The following ACACA variants were observed in gnomAD, a reference collection of about 807,000 sequenced individuals.
ACACA encodes acetyl-CoA carboxylase alpha.
A neutral mutation model predicts 296.1 loss-of-function variants in ACACA; 103 were observed. That is an observed-to-expected ratio of 0.35 (90% CI 0.30 to 0.41). ACACA has a LOEUF of 0.41. Ranked by LOEUF, ACACA falls within the 10% of genes least tolerant of loss-of-function variation. The probability of loss-of-function intolerance (pLI) is 1.00; values close to 1 mark genes in which losing one functional copy is unlikely to be tolerated. For synonymous variants in ACACA, 953 were observed against 1,038.6 expected (o/e 0.92, Z 1.58); for missense variants, 1,554 against 2,989.7 (o/e 0.52, Z 11.20).
intron 3 of ACACA, among the ~76,000 whole-genome samples, chr17:37,290,134 G>A (rs1045230994): frequency 6.6e-5 from 10 of 151,848 alleles, no homozygotes; most frequent in African/African-American, 2.2e-4. Context: ...TGCAACCTCC[G>A]CCTCCCAGGT....
intron 1 of ACACA, among the ~76,000 whole-genome samples, chr17:37,354,877 T>C (rs980193237): frequency 6.6e-6 from 1 of 152,148 alleles, no homozygotes; most frequent in Non-Finnish European, 1.5e-5. Context: ...CAATGAGCAA[T>C]GATCACGTCA....
intron 3 of ACACA, among the ~76,000 whole-genome samples, chr17:37,291,188 G>GT (rs1306625785): frequency 2.6e-5 from 3 of 115,196 alleles, no homozygotes; most frequent in African/African-American, 4.1e-5. Context: ...ATTTGTTTTT[G>GT]TTTTGAGATG....
chr17:37,292,540 G>C (rs564766851), intron 3 of ACACA, among the ~76,000 whole-genome samples: 48 of 152,294 alleles, frequency 3.2e-4, no homozygotes, highest in Non-Finnish European at 6.6e-4. Context: ...AAAATGAAAA[G>C]AAGAGAATAA....
intron 3 of ACACA, among the ~76,000 whole-genome samples, chr17:37,286,852 A>G (rs1454256818): frequency 1.3e-5 from 2 of 152,188 alleles, no homozygotes; most frequent in Non-Finnish European, 2.9e-5. Context: ...CCAAGCTCCT[A>G]GTTCTGGTAA....
chr17:37,198,751 T>C (rs2078116299), intron 35 of ACACA, among the ~76,000 whole-genome samples: 1 of 152,226 alleles, frequency 6.6e-6, no homozygotes, highest in Non-Finnish European at 1.5e-5. Flanking sequence ...TGTTTCTCTA[T>C]AGACTAGACC....
Position 37,243,456 on chromosome 17 carries a change from G to A in ACACA, c.2846C>T (p.Pro949Leu), listed in dbSNP as rs371689992. ...CTTCTTGATAGACTTCTCCACATTG[G>A]GGGGAATGCGGCCAGACACACTGGT... ...IMTSVSGRIP[P>L]NVEKSIKKEM... Residue 949 changes from proline to leucine, a missense_variant, in exon 22 of 56, where the codon CCC becomes CTC. Pro to Leu is a moderately conservative substitution (Grantham distance 98). This residue lies in a region of ACACA where 316 missense variants were observed against 540.9 expected (regional missense o/e 0.58). Transcript: ENST00000616317. 1.9e-6 allele frequency: 3 copies of A among 1,613,940 alleles called. No individual in the cohort carries two copies. The highest frequency in any genetic ancestry group is 2.7e-5 in the African/African-American group (2 of 74,900).
chr17:37,155,931 A>G, intron 42 of ACACA, 151 bp from the exon 43 acceptor site: 2 of 651,576 alleles, frequency 3.1e-6, no homozygotes, highest in South Asian at 1.8e-5. Flanking sequence ...ATACTAGCAC[A>G]GACAGTCCTC....
chr17:37,245,273 A>G (rs1357512087), intron 19 of ACACA, 59 bp from the exon 20 acceptor site: 2 of 1,586,148 alleles, frequency 1.3e-6, no homozygotes, highest in Non-Finnish European at 1.7e-6. Context: ...TGAGTGCTTA[A>G]AAGAACTAAA....
chr17:37,108,251 T>C (rs146741600), intron 52 of ACACA, among the ~76,000 whole-genome samples: 132 of 152,244 alleles, frequency 8.7e-4, no homozygotes, highest in African/African-American at 3.1e-3. Context: ...TGCAAACTAG[T>C]AATTCACCAT....
At chr17:37,319,979 T>C (rs1308274291) in intron 3 of ACACA, among the ~76,000 whole-genome samples, 1 of 151,046 alleles carries the variant, frequency 6.6e-6, no homozygotes, top group Non-Finnish European at 1.5e-5. Flanking sequence ...TAAATAAACT[T>C]AGCTGGGAAT....
At position 37,138,167 on chromosome 17, in the gene ACACA, T is replaced by A. The variant is rs1453709269; in HGVS notation, c.5680-7949A>T. On this transcript the variant is annotated intron_variant, in intron 45 of 55. Transcript: ENST00000616317. ...TTAAGCTTCTCCTTTCATAATTCAA[T>A]ATTCCTGACTGTGTACATTAGCTGA... Among the ~76,000 whole-genome samples the A allele has an allele frequency of 2.6e-5, 4 of 152,234 alleles. No individual in the cohort carries two copies. In the South Asian group the frequency reaches 8.3e-4, roughly 32 times the overall value.
intron 54 of ACACA, among the ~76,000 whole-genome samples, chr17:37,094,480 GT>G (rs1212494560): frequency 6.6e-6 from 1 of 151,912 alleles, no homozygotes; most frequent in Non-Finnish European, 1.5e-5. Flanking sequence ...GGATTAGAGG[GT>G]CACTTCCTGG....
chr17:37,324,817 A>G (rs937512618), intron 3 of ACACA, among the ~76,000 whole-genome samples: 1 of 147,766 alleles, frequency 6.8e-6, no homozygotes, highest in African/African-American at 2.5e-5. Context: ...CCTGGGGAAC[A>G]ACAGTGAAAC....
chr17:37,269,668 C>A (rs2081979006), intron 10 of ACACA, among the ~76,000 whole-genome samples: 1 of 150,738 alleles, frequency 6.6e-6, no homozygotes, highest in African/African-American at 2.5e-5. Flanking sequence ...AGTTGGGGAC[C>A]ACCTGTATAT....
chr17:37,283,733 T>C (rs1443084576), intron 4 of ACACA, among the ~76,000 whole-genome samples: 1 of 152,220 alleles, frequency 6.6e-6, no homozygotes, highest in South Asian at 2.1e-4. Flanking sequence ...GTGGGTATGG[T>C]ATATTATGAA....
intron 10 of ACACA, among the ~76,000 whole-genome samples, chr17:37,269,601 T>C (rs963097733): frequency 3.9e-5 from 6 of 152,190 alleles, no homozygotes; most frequent in Admixed American, 6.5e-5. Context: ...CTGAATGCAT[T>C]ATCACTTGCA....
chr17:37,254,128 GAAGA>G (rs57642938), intron 14 of ACACA, among the ~76,000 whole-genome samples: 51,747 of 151,768 alleles, frequency 0.34, 11,200 homozygotes, highest in African/African-American at 0.6. Context: ...TGATTGTAAG[GAAGA>G]AAGAACATAA....
At chr17:37,139,124 T>A (rs1046140712) in intron 45 of ACACA, among the ~76,000 whole-genome samples, 1 of 152,112 alleles carries the variant, frequency 6.6e-6, no homozygotes, top group African/African-American at 2.4e-5. Flanking sequence ...TATGAATATA[T>A]GTAGAAAGAG....
intron 42 of ACACA, among the ~76,000 whole-genome samples, chr17:37,156,053 C>CTTTTTTTTTTTTTT (rs60787242): frequency 7.0e-4 from 66 of 93,994 alleles, no homozygotes; most frequent in African/African-American, 7.4e-4. Flanking sequence ...TTCTTTCTTT[C>CTTTTTTTTTTTTTT]TTTTTTTTTT....
Sources: gnomAD v4.1 joint callset for allele counts (sites outside exome capture counted in the v4.1 genomes callset) on GRCh38, gnomAD v4.1.1 for gene constraint, gnomAD v4.1.1 regional missense constraint, MANE v1.5 for transcripts, NCBI Gene and HGNC (gene_info 2026-07-23, HGNC 2026-07-21) for gene names.